LRBA: variants seen among roughly 807,000 people sequenced by gnomAD.
LRBA encodes the protein LPS responsive beige-like anchor protein, also known as lipopolysaccharide-responsive and beige-like anchor protein.
In LRBA, 176 loss-of-function variants were observed where a neutral mutation model predicts 330.0. The ratio of observed to expected loss-of-function variants is 0.53; its 90% CI spans 0.47 to 0.60. The LOEUF is 0.60. Ranked by LOEUF, LRBA falls within the 20% of genes least tolerant of loss-of-function variation. The pLI is 0.00. For synonymous variants in LRBA, 1,230 were observed against 1,193.0 expected (o/e 1.03, Z -0.64); for missense variants, 3,259 against 3,444.8 (o/e 0.95, Z 1.35).
At chr4:150,805,991 C>A (rs1742736801) in intron 33 of LRBA, among the ~76,000 whole-genome samples, 1 of 149,778 alleles carries the variant, frequency 6.7e-6, no homozygotes, top group Non-Finnish European at 1.5e-5. Flanking sequence ...CTCTCCAATT[C>A]TTTGCTCTCA....
At chr4:150,712,499 T>G (rs1219270635) in intron 36 of LRBA, among the ~76,000 whole-genome samples, 1 of 152,174 alleles carries the variant, frequency 6.6e-6, no homozygotes, top group Non-Finnish European at 1.5e-5. Flanking sequence ...GGAATGCCAA[T>G]GTCCTAATCA....
intron 47 of LRBA, among the ~76,000 whole-genome samples, chr4:150,409,048 G>C (rs1413427377): frequency 1.3e-5 from 2 of 152,012 alleles, no homozygotes; most frequent in East Asian, 3.9e-4. Context: ...ATGAAAATTG[G>C]GTCATTACAG....
chr4:150,534,672 T>C (rs1408859482), intron 40 of LRBA, among the ~76,000 whole-genome samples: 1 of 141,988 alleles, frequency 7.0e-6, no homozygotes, highest in Non-Finnish European at 1.5e-5. Context: ...TTACATATAT[T>C]ACATAGTTCC....
intron 2 of LRBA, among the ~76,000 whole-genome samples, chr4:150,929,796 A>AT (rs890447968): frequency 1.3e-5 from 2 of 152,010 alleles, no homozygotes; most frequent in South Asian, 4.1e-4. Context: ...ATTTAACTAG[A>AT]TTTTTTAAAT....
intron 2 of LRBA, among the ~76,000 whole-genome samples, chr4:150,961,593 G>C (rs781711213): frequency 2.0e-5 from 3 of 149,374 alleles, no homozygotes; most frequent in Non-Finnish European, 4.4e-5. Flanking sequence ...TAGGAGGATA[G>C]AAGAGAAGCA....
At chr4:150,844,568 T>G in intron 27 of LRBA, 90 bp downstream of exon 27, 1 of 1,192,704 alleles carries the variant, frequency 8.4e-7, no homozygotes, top group Non-Finnish European at 1.2e-6. Flanking sequence ...CTGCCAGATT[T>G]ATTTAACTTT....
chr4:150,268,478 C>CAAAAG (rs1382151943), intron 56 of LRBA, among the ~76,000 whole-genome samples: 5 of 152,142 alleles, frequency 3.3e-5, no homozygotes, highest in African/African-American at 1.2e-4. Flanking sequence ...GACATTACAA[C>CAAAAG]AAAAGAACAC....
At chr4:150,710,405 T>C (rs1786065032) in intron 36 of LRBA, among the ~76,000 whole-genome samples, 1 of 152,068 alleles carries the variant, frequency 6.6e-6, no homozygotes, top group African/African-American at 2.4e-5. Context: ...CAATTACAAG[T>C]ATACAGTGGT....
chr4:150,957,463 A>G (rs1315752230), intron 2 of LRBA, among the ~76,000 whole-genome samples: 1 of 148,430 alleles, frequency 6.7e-6, no homozygotes, highest in Non-Finnish European at 1.5e-5. Flanking sequence ...CTCCCACAAC[A>G]TGTGGGAATT....
At chr4:150,926,305 G>A (rs928182465) in intron 4 of LRBA, among the ~76,000 whole-genome samples, 12 of 152,188 alleles carry the variant, frequency 7.9e-5, no homozygotes, top group African/African-American at 2.9e-4. Flanking sequence ...AGAGACCACA[G>A]TCTTGCTACC....
intron 36 of LRBA, among the ~76,000 whole-genome samples, chr4:150,693,755 C>CA (rs910564783): frequency 1.3e-5 from 2 of 151,654 alleles, no homozygotes; most frequent in African/African-American, 4.8e-5. Flanking sequence ...TTCAGTATCA[C>CA]AAAAAAATTA....
At chr4:150,833,943 G>C (rs1177194760) in intron 28 of LRBA, among the ~76,000 whole-genome samples, 1 of 152,150 alleles carries the variant, frequency 6.6e-6, no homozygotes, top group Admixed American at 6.5e-5. Context: ...AATGTTCACA[G>C]TATCTTCATC....
At chr4:150,389,911 ATTTTTT>A (rs34355782) in intron 47 of LRBA, among the ~76,000 whole-genome samples, 2 of 111,720 alleles carry the variant, frequency 1.8e-5, no homozygotes, top group Admixed American at 9.9e-5. Flanking sequence ...TTGTCTGGGT[ATTTTTT>A]TTTTTTTTTT....
chr4:150,877,493 T>C (rs1391007690), intron 17 of LRBA, among the ~76,000 whole-genome samples: 1 of 152,182 alleles, frequency 6.6e-6, no homozygotes, highest in African/African-American at 2.4e-5. Context: ...ACCTTAAATA[T>C]ATATGCACCC....
chr4:150,377,143 A>G (rs1204891857), intron 47 of LRBA, among the ~76,000 whole-genome samples: 1 of 151,464 alleles, frequency 6.6e-6, no homozygotes, highest in African/African-American at 2.4e-5. Context: ...AATAATGGAA[A>G]AAAAAAAAAA....
chr4:150,654,213 G>T (rs1264656776), intron 37 of LRBA, among the ~76,000 whole-genome samples: 1 of 152,136 alleles, frequency 6.6e-6, no homozygotes, highest in Non-Finnish European at 1.5e-5. Context: ...TTGAGACAGA[G>T]TCTTACTCTG....
Position 150,828,231 on chromosome 4 carries a change from G to A in LRBA, c.5120C>T (p.Ala1707Val). The A allele has an allele frequency of 1.9e-6, 3 of 1,614,048 alleles. No individual in the cohort carries two copies. The highest frequency in any genetic ancestry group is 1.7e-6 in the Non-Finnish European group (2 of 1,179,954). ...TTGTTCCACAGATAGATCACCAAGG[G>A]CTCCAAGGCAGGCTGGTGGCAGAAG... is the stretch of plus-strand genomic sequence containing the variant. Reference protein sequence around the residue: ...PALLPPACLGALGDLSVEQPV... With the variant: ...PALLPPACLGVLGDLSVEQPV... The change falls in exon 30 of 57, where the codon GCC becomes GTC. Residue 1707 changes from alanine to valine, a missense_variant. By Grantham distance (64) the Ala-to-Val change is moderately conservative. Coordinates refer to ENST00000651943, the MANE Select transcript of LRBA (RefSeq NM_001364905.1).
At chr4:150,823,215 T>C (rs1745726286) in intron 30 of LRBA, among the ~76,000 whole-genome samples, 1 of 152,238 alleles carries the variant, frequency 6.6e-6, no homozygotes, top group Admixed American at 6.5e-5. Context: ...TTTCTATGTC[T>C]TCTTTGAGAA....
At chr4:150,815,497 C>G (rs1744443789) in intron 31 of LRBA, among the ~76,000 whole-genome samples, 1 of 151,796 alleles carries the variant, frequency 6.6e-6, no homozygotes, top group South Asian at 2.1e-4. Flanking sequence ...TGAGAATTCT[C>G]TGTACTTCAA....
Sources: allele counts gnomAD v4.1 joint callset (sites outside exome capture counted in the v4.1 genomes callset), GRCh38; gene constraint gnomAD v4.1.1; transcripts MANE v1.5; gene names NCBI Gene and HGNC (gene_info 2026-07-23, HGNC 2026-07-21).